IMPG1: variants seen among roughly 807,000 people sequenced by gnomAD.
IMPG1 encodes interphotoreceptor matrix proteoglycan of 150 kDa.
In IMPG1, 85 loss-of-function variants were observed where a neutral mutation model predicts 92.0. The observed-to-expected ratio is 0.92, with a 90% CI of 0.78 to 1.11. The LOEUF (loss-of-function observed/expected upper bound fraction) is 1.11. Among genes scored for constraint, IMPG1 ranks in the 50% least tolerant of loss-of-function variants. IMPG1 has a pLI of 0.00. For synonymous variants in IMPG1, 367 were observed against 334.1 expected, an observed-to-expected ratio of 1.10 and a Z score of -1.08; for missense variants, 1,022 against 956.0, an observed-to-expected ratio of 1.07 and a Z score of -0.91.
intron 12 of IMPG1, among the ~76,000 whole-genome samples, chr6:75,975,082 C>G (rs949668208): frequency 3.3e-5 from 5 of 152,228 alleles, no homozygotes; most frequent in Non-Finnish European, 5.9e-5. Context: ...GTGCCAGGAA[C>G]ATATATGCTC....
At chr6:76,034,283 A>C (rs201301940) in intron 4 of IMPG1, 32 bp downstream of exon 4, 2 of 1,487,814 alleles carry the variant, frequency 1.3e-6, no homozygotes, top group Non-Finnish European at 1.9e-6. Flanking sequence ...ATTCAAAAGC[A>C]CACACACACA....
At chr6:76,057,061 C>T (rs1482905551) in intron 1 of IMPG1, among the ~76,000 whole-genome samples, 2 of 152,030 alleles carry the variant, frequency 1.3e-5, no homozygotes, top group Non-Finnish European at 2.9e-5. Flanking sequence ...AACCAAATAC[C>T]ACATGTTCTC....
At chr6:76,011,508 G>T (rs79700023) in intron 7 of IMPG1, among the ~76,000 whole-genome samples, 1 of 151,812 alleles carries the variant, frequency 6.6e-6, no homozygotes, top group South Asian at 2.1e-4. Flanking sequence ...CTGCTCTTAC[G>T]GTTACTTTAA....
Position 75,954,094 on chromosome 6 carries a change from G to T in IMPG1, c.1292-3000C>A, listed in dbSNP as rs143865645. On this transcript the variant is annotated intron_variant, in intron 12 of 16. Transcript: ENST00000369950. ...ATATACCTGTGCACATGTCTTTATA[G>T]TAGAATAATTTATAATCCTTTGGGT... 0.018 allele frequency among the ~76,000 whole-genome samples: 2,730 copies of T among 152,212 alleles called. 156 individuals carry two copies. The East Asian group carries it at 0.23, about 13-fold the overall frequency.
Position 76,055,855 on chromosome 6 carries a change from C to T in IMPG1, c.68-13729G>A, listed in dbSNP as rs571168747. Among the ~76,000 whole-genome samples, 61 of 152,046 alleles carry T rather than the reference C, an allele frequency of 4.0e-4. No individual in the cohort carries two copies. The East Asian group carries it at 5.4e-3, about 13-fold the overall frequency. ...TAAATTTGTAGAAACGTGTAACTTA[C>T]TATAACTCAAAAAGAGGTAGGATAA... On this transcript the variant is annotated intron_variant, in intron 1 of 16. Coordinates refer to ENST00000369950, the MANE Select transcript of IMPG1 (RefSeq NM_001563.4).
intron 12 of IMPG1, among the ~76,000 whole-genome samples, chr6:75,989,585 G>A (rs1464853604): frequency 6.6e-6 from 1 of 152,240 alleles, no homozygotes; most frequent in African/African-American, 2.4e-5. Context: ...GCTCACACCT[G>A]TAATCCCAGC....
At chr6:75,966,664 C>T (rs1380541682) in intron 12 of IMPG1, among the ~76,000 whole-genome samples, 3 of 152,178 alleles carry the variant, frequency 2.0e-5, no homozygotes, top group Admixed American at 6.5e-5. Context: ...TGACTGAAGA[C>T]AGCCAGGTCA....
intron 8 of IMPG1, among the ~76,000 whole-genome samples, chr6:76,009,368 T>C (rs537342647): frequency 6.6e-6 from 1 of 152,328 alleles, no homozygotes; most frequent in South Asian, 2.1e-4. Context: ...AAAGTACTTG[T>C]TAAATTGTAA....
chr6:75,954,695 A>G (rs956601912), intron 12 of IMPG1, among the ~76,000 whole-genome samples: 1 of 152,168 alleles, frequency 6.6e-6, no homozygotes, highest in Non-Finnish European at 1.5e-5. Context: ...GCCCATGCCT[A>G]TGTCCTGAAT....
At chr6:76,057,910 A>C (rs1784146587) in intron 1 of IMPG1, among the ~76,000 whole-genome samples, 1 of 152,182 alleles carries the variant, frequency 6.6e-6, no homozygotes, top group South Asian at 2.1e-4. Flanking sequence ...TGCATGTTAT[A>C]AACTTTAATA....
intron 14 of IMPG1, among the ~76,000 whole-genome samples, chr6:75,946,718 A>G (rs543333734): frequency 6.6e-6 from 1 of 152,270 alleles, no homozygotes; most frequent in East Asian, 1.9e-4. Context: ...CTTTGCTTTA[A>G]TCTTCACATG....
chr6:75,972,818 A>G (rs1782445312), intron 12 of IMPG1, among the ~76,000 whole-genome samples: 1 of 152,212 alleles, frequency 6.6e-6, no homozygotes, highest in Non-Finnish European at 1.5e-5. Context: ...ATTTAAGTCA[A>G]TTGCTAGAGT....
At chr6:76,057,109 T>C (rs1290080025) in intron 1 of IMPG1, among the ~76,000 whole-genome samples, 2 of 152,054 alleles carry the variant, frequency 1.3e-5, no homozygotes, top group Non-Finnish European at 2.9e-5. Context: ...AACACATGGA[T>C]ACATGTCGGG....
chr6:75,994,460 T>C (rs970535682), intron 12 of IMPG1, among the ~76,000 whole-genome samples: 3 of 152,248 alleles, frequency 2.0e-5, no homozygotes, highest in Non-Finnish European at 4.4e-5. Context: ...TGTATTAGTC[T>C]GTTCTCATAC....
intron 12 of IMPG1, among the ~76,000 whole-genome samples, chr6:75,966,348 A>T (rs1379142313): frequency 6.6e-6 from 1 of 152,166 alleles, no homozygotes; most frequent in Admixed American, 6.5e-5. Context: ...TTTAATTGTT[A>T]TTGTGGCAGT....
intron 7 of IMPG1, among the ~76,000 whole-genome samples, 191 bp downstream of exon 7, chr6:76,018,527 A>G (rs899024091): frequency 1.3e-5 from 2 of 152,232 alleles, no homozygotes; most frequent in African/African-American, 4.8e-5. Context: ...GAAAGGCTGG[A>G]ATGAAAAACT....
intron 1 of IMPG1, among the ~76,000 whole-genome samples, chr6:76,066,556 C>A (rs966279377): frequency 3.9e-5 from 6 of 151,988 alleles, no homozygotes; most frequent in African/African-American, 1.4e-4. Context: ...ATTCATAAAA[C>A]AAATTCTACT....
At chr6:76,071,867 G>A (rs1482653786) in intron 1 of IMPG1, among the ~76,000 whole-genome samples, 1 of 151,982 alleles carries the variant, frequency 6.6e-6, no homozygotes, top group East Asian at 1.9e-4. Context: ...TTTGCCATAA[G>A]AACATACATT....
rs148580391 is a variant in IMPG1 at position 75,967,296 on chromosome 6, T to C, written c.1292-16202A>G. 9.9e-5 allele frequency among the ~76,000 whole-genome samples: 15 copies of C among 152,278 alleles called. 1 individual carries two copies. The East Asian group carries it at 2.9e-3, about 29-fold the overall frequency. On this transcript the variant is annotated intron_variant, in intron 12 of 16. Transcript: ENST00000369950. ...TGTTTGTATCTTCCCAAAATGTATA[T>C]GTTGAAATCCTAACCCCCAAGATTA...
Sources: gnomAD v4.1 joint callset for allele counts (sites outside exome capture counted in the v4.1 genomes callset) on GRCh38, gnomAD v4.1.1 for gene constraint, MANE v1.5 for transcripts, NCBI Gene and HGNC (gene_info 2026-07-23, HGNC 2026-07-21) for gene names.